Variants in LIM2 observed in about 807,000 individuals in gnomAD.
LIM2 encodes the protein lens fiber membrane intrinsic protein.
In LIM2, 14 loss-of-function variants were observed where a neutral mutation model predicts 19.0. That is an observed-to-expected ratio of 0.74 (90% CI 0.49 to 1.15). The LOEUF (loss-of-function observed/expected upper bound fraction) is 1.15, where lower values mean the gene tolerates loss of function less well. LIM2 is among the 50% of genes most tolerant of loss of function. The pLI, the probability that LIM2 is intolerant of heterozygous loss-of-function variation, is 0.00. For missense variants in LIM2, 230 were observed against 243.5 expected (o/e 0.94, Z 0.37); for synonymous variants, 78 against 89.6 (o/e 0.87, Z 0.73).
At chr19:51,381,065 C>A (rs1283222434) in intron 3 of LIM2, among the ~76,000 whole-genome samples, 1 of 152,068 alleles carries the variant, frequency 6.6e-6, no homozygotes, top group Non-Finnish European at 1.5e-5. Flanking sequence ...CATCCCAACA[C>A]TTTGGGAGGC....
At chr19:51,381,927 G>A (rs35894921) in intron 3 of LIM2, among the ~76,000 whole-genome samples, 12 of 152,034 alleles carry the variant, frequency 7.9e-5, no homozygotes, top group Non-Finnish European at 1.6e-4. Flanking sequence ...ATGGGGTTTC[G>A]CCATGTTGGC....
In LIM2 at chr19:51,380,231, A is replaced by C. The variant is rs761442592; in HGVS notation, c.492T>G (p.His164Gln). 7 of 1,613,788 alleles carry C rather than the reference A, an allele frequency of 4.3e-6. No individual in the cohort carries two copies. The Admixed American group carries it at 8.3e-5, about 19-fold the overall frequency. ...GGGGTGTAGACAGGCGCCGGCATTC[A>C]TGCACCCGGTAGGCGCACATGTAGA... ...GIFYMCAYRV[H>Q]ECRRLSTPR is the part of the protein sequence containing the mutation. Residue 164 changes from histidine to glutamine, a missense_variant, in exon 5 of 5, where the codon CAT becomes CAG. His to Gln is a conservative substitution (Grantham distance 24). Transcript: ENST00000596399.
intron 2 of LIM2, among the ~76,000 whole-genome samples, chr19:51,383,215 A>G (rs1433841610): frequency 6.6e-6 from 1 of 151,370 alleles, no homozygotes; most frequent in East Asian, 1.9e-4. Context: ...TTGTATTTTT[A>G]GTAGAGACGG....
At position 51,380,268 on chromosome 19, in the gene LIM2, T is replaced by C. The variant is rs1730005951; in HGVS notation, c.461-6A>G. ...GGCGCACATGTAGAAAATCCCTGCATGAGAAGAAGTTCAAATTCACCCCCT... is the reference window on the plus strand; with the variant it reads ...GGCGCACATGTAGAAAATCCCTGCACGAGAAGAAGTTCAAATTCACCCCCT... On this transcript the variant is annotated splice_polypyrimidine_tract_variant and splice_region_variant and intron_variant, in intron 4 of 4. Transcript: ENST00000596399. 1 of 1,613,206 alleles carries C rather than the reference T, an allele frequency of 6.2e-7. No homozygotes were observed. Among genetic ancestry groups the C allele is most frequent in the Non-Finnish European group, 8.5e-7 (1 of 1,179,686 alleles).
chr19:51,387,687 A>C (rs1987114874), intron 1 of LIM2, among the ~76,000 whole-genome samples: 1 of 151,852 alleles, frequency 6.6e-6, no homozygotes, highest in South Asian at 2.1e-4. Flanking sequence ...TTCTGGGAAG[A>C]AAAGGCCGGG....
chr19:51,385,887 A>G (rs1238479884), intron 2 of LIM2, among the ~76,000 whole-genome samples: 1 of 152,192 alleles, frequency 6.6e-6, no homozygotes, highest in African/African-American at 2.4e-5. Flanking sequence ...TCCGGCACTC[A>G]GTGACGCTTA....
chr19:51,382,404 G>C lies in LIM2; in HGVS notation c.325+14C>G. ...GAGCGAGGAGAGGGGTAGGGAGAGG[G>C]TGGGCTTACTCACTTGAGGAAAAAA... On this transcript the variant is annotated intron_variant, in intron 3 of 4. Coordinates refer to ENST00000596399, the MANE Select transcript of LIM2 (RefSeq NM_001161748.2). The C allele has an allele frequency of 8.7e-6, 14 of 1,613,482 alleles. No individual in the cohort carries two copies. Among genetic ancestry groups the C allele is most frequent in the Non-Finnish European group, 1.2e-5 (14 of 1,179,854 alleles).
At position 51,380,277 on chromosome 19, in the gene LIM2, G is replaced by C; in HGVS notation, c.461-15C>G. 6.2e-7 allele frequency: 1 copy of C among 1,612,750 alleles called. No individual in the cohort carries two copies. The highest frequency in any genetic ancestry group is 8.5e-7 in the Non-Finnish European group (1 of 1,179,522). On this transcript the variant is annotated splice_polypyrimidine_tract_variant and intron_variant, in intron 4 of 4. Coordinates refer to ENST00000596399, the MANE Select transcript of LIM2 (RefSeq NM_001161748.2). ...GTAGAAAATCCCTGCATGAGAAGAA[G>C]TTCAAATTCACCCCCTCAAACCTCC... is the stretch of plus-strand genomic sequence containing the variant.
intron 2 of LIM2, chr19:51,387,024 CCT>C: frequency 1.4e-6 from 1 of 738,284 alleles, no homozygotes; most frequent in Admixed American, 2.0e-5. Context: ...GTGCATGACA[CCT>C]CTGAAGCGTC....
chr19:51,382,239 G>C (rs918764577), intron 3 of LIM2, among the ~76,000 whole-genome samples, 179 bp downstream of exon 3: 2 of 150,154 alleles, frequency 1.3e-5, no homozygotes, highest in Non-Finnish European at 3.0e-5. Context: ...GCTAGTGTCA[G>C]AATAGACTGG....
At chr19:51,384,998 G>T (rs1420227648) in intron 2 of LIM2, among the ~76,000 whole-genome samples, 1 of 151,982 alleles carries the variant, frequency 6.6e-6, no homozygotes, top group Non-Finnish European at 1.5e-5. Context: ...GAGCAGCTGG[G>T]GCCACGGGAG....
intron 3 of LIM2, among the ~76,000 whole-genome samples, chr19:51,381,037 A>G (rs1986881036): frequency 6.6e-6 from 1 of 152,120 alleles, no homozygotes; most frequent in Admixed American, 6.6e-5. Flanking sequence ...CAGGTCAGGC[A>G]CAGTGACTCA....
At chr19:51,384,803 G>A (rs1986988055) in intron 2 of LIM2, among the ~76,000 whole-genome samples, 1 of 152,144 alleles carries the variant, frequency 6.6e-6, no homozygotes, top group African/African-American at 2.4e-5. Flanking sequence ...CAGCACTTTG[G>A]GAGGCCGAGG....
chr19:51,380,684 T>A (rs1599860603), intron 3 of LIM2, 45 bp from the exon 4 acceptor site: 3 of 1,607,066 alleles, frequency 1.9e-6, no homozygotes, highest in Non-Finnish European at 2.5e-6. Context: ...TAAGGCTGGG[T>A]GTGATTTTGG....
chr19:51,383,687 T>G (rs1026284854), intron 2 of LIM2, among the ~76,000 whole-genome samples: 1 of 152,234 alleles, frequency 6.6e-6, no homozygotes, highest in East Asian at 1.9e-4. Context: ...TCCAGAGCCC[T>G]ACTCTATAAG....
chr19:51,380,817 G>A (rs1424654557), intron 3 of LIM2, among the ~76,000 whole-genome samples, 178 bp from the exon 4 acceptor site: 3 of 152,040 alleles, frequency 2.0e-5, no homozygotes, highest in Non-Finnish European at 2.9e-5. Flanking sequence ...AAAGATGATT[G>A]GGGGATAGGT....
intron 3 of LIM2, 83 bp downstream of exon 3, chr19:51,382,335 G>A: frequency 2.0e-6 from 3 of 1,516,146 alleles, no homozygotes; most frequent in Non-Finnish European, 2.7e-6. Flanking sequence ...AGTAAGGGGT[G>A]AGAATGGTGT....
chr19:51,380,078 C>T lies in LIM2; in HGVS notation c.*123G>A, dbSNP rs1986850901. 1.1e-6 allele frequency: 1 copy of T among 918,392 alleles called. No homozygotes were observed. The highest frequency in any genetic ancestry group is 1.6e-5 in the African/African-American group (1 of 60,644). The allele number at this position is 918,392 out of a possible 1,614,324, so 56.9% of individuals were successfully genotyped here. ...AGGAGTCAGCCTCCCCCCACAAACC[C>T]ACAGTCCAGAACTGAGCCCCCTCAT... On this transcript the variant is annotated 3_prime_UTR_variant, in exon 5 of 5. Transcript: ENST00000596399.
In LIM2 at chr19:51,380,238, C is replaced by T. The variant is rs767769656; in HGVS notation, c.485G>A (p.Arg162Gln). 8.7e-6 allele frequency: 14 copies of T among 1,613,536 alleles called. No homozygotes were observed. Among genetic ancestry groups the T allele is most frequent in the East Asian group, 4.5e-5 (2 of 44,878 alleles). ...FAGIFYMCAY[R>Q]VHECRRLSTP... is the part of the protein sequence containing the mutation. ...AGACAGGCGCCGGCATTCATGCACCCGGTAGGCGCACATGTAGAAAATCCC... is the reference window on the plus strand; with the variant it reads ...AGACAGGCGCCGGCATTCATGCACCTGGTAGGCGCACATGTAGAAAATCCC... Residue 162 changes from arginine to glutamine, a missense_variant, in exon 5 of 5, where the codon CGG (arginine) becomes CAG (glutamine). Coordinates refer to ENST00000596399, the MANE Select transcript of LIM2 (RefSeq NM_001161748.2).
Sources: gnomAD v4.1 joint callset for allele counts (sites outside exome capture counted in the v4.1 genomes callset) on GRCh38, gnomAD v4.1.1 for gene constraint, MANE v1.5 for transcripts, NCBI Gene and HGNC (gene_info 2026-07-23, HGNC 2026-07-21) for gene names.